The following DIS3L2 variants were observed in gnomAD, a reference collection of about 807,000 sequenced individuals.
The protein encoded by DIS3L2 is DIS3-like exonuclease 2.
In DIS3L2, 34 loss-of-function variants were observed where a neutral mutation model predicts 97.5. The observed-to-expected ratio is 0.35, with a 90% CI of 0.27 to 0.46. The LOEUF (loss-of-function observed/expected upper bound fraction) is 0.46. Among genes scored for constraint, DIS3L2 ranks in the 20% least tolerant of loss-of-function variants. The pLI is 1.00. For synonymous variants in DIS3L2, 435 were observed against 445.2 expected (o/e 0.98, Z 0.29); for missense variants, 1,038 against 1,146.0 (o/e 0.91, Z 1.36).
chr2:232,299,544 C>T (rs1051614085), intron 13 of DIS3L2, among the ~76,000 whole-genome samples: 18 of 152,246 alleles, frequency 1.2e-4, no homozygotes, highest in African/African-American at 4.3e-4. Flanking sequence ...CCCATCCCTC[C>T]TCCTCCTGAT....
intron 1 of DIS3L2, among the ~76,000 whole-genome samples, chr2:232,012,070 C>A (rs528129540): frequency 6.6e-6 from 1 of 152,328 alleles, no homozygotes; most frequent in South Asian, 2.1e-4. Flanking sequence ...TTATTCTTGC[C>A]AATTTTGTTT....
chr2:232,277,016 T>A (rs1199381532), intron 13 of DIS3L2, among the ~76,000 whole-genome samples: 3 of 152,200 alleles, frequency 2.0e-5, no homozygotes, highest in Non-Finnish European at 4.4e-5. Flanking sequence ...TCAGCAGCCA[T>A]GGCATGGAGA....
chr2:232,218,704 A>T (rs1687813015), intron 10 of DIS3L2, among the ~76,000 whole-genome samples: 1 of 152,166 alleles, frequency 6.6e-6, no homozygotes, highest in Non-Finnish European at 1.5e-5. Flanking sequence ...ATCACATTTG[A>T]TTCCTTTTCC....
rs528135515 is a variant in DIS3L2, at chr2:232,292,774, T to C, written c.1660-7266T>C. Among the ~76,000 whole-genome samples the C allele has an allele frequency of 2.4e-4, 36 of 152,328 alleles. No homozygotes were observed. Among genetic ancestry groups the C allele is most frequent in the African/African-American group, 8.7e-4 (36 of 41,588 alleles). On this transcript the variant is annotated intron_variant, in intron 13 of 20. Transcript: ENST00000325385. The surrounding 1 kb of genome is among the most constrained non-coding windows in gnomAD (Gnocchi z 4.4). ...CCTTTCCTTGTTGGGATGAAAGCCT[T>C]GCCTCTAACTGAACCCTTTTGAAGG...
At chr2:231,972,296 T>C (rs1692942725) in intron 1 of DIS3L2, among the ~76,000 whole-genome samples, 1 of 152,230 alleles carries the variant, frequency 6.6e-6, no homozygotes, top group African/African-American at 2.4e-5. Context: ...TATTATCAAG[T>C]ATTGCATACT....
Position 232,221,101 on chromosome 2 carries a change from C to CAAAA in DIS3L2, c.1204+10713_1204+10716dup, listed in dbSNP as rs373784144. ...TGGGTGACAGAACAAGACTTCATCT[C>CAAAA]AAAAAAAAAAAAAAAAAAAAGTTTG... On this transcript the variant is annotated intron_variant, in intron 10 of 20. Coordinates refer to ENST00000325385, the MANE Select transcript of DIS3L2 (RefSeq NM_152383.5). 4.8e-4 allele frequency among the ~76,000 whole-genome samples: 47 copies of CAAAA among 97,240 alleles called. 1 individual carries two copies. Among genetic ancestry groups the CAAAA allele is most frequent in the South Asian group, 8.2e-4 (2 of 2,440 alleles). The allele number at this position is 97,240 out of a possible 152,430, so 63.8% of individuals were successfully genotyped here.
intron 6 of DIS3L2, among the ~76,000 whole-genome samples, chr2:232,115,734 T>G (rs1697686967): frequency 6.6e-6 from 1 of 152,198 alleles, no homozygotes; most frequent in African/African-American, 2.4e-5. Flanking sequence ...TCCTGCTGCC[T>G]TGTGAAGAAG....
intron 9 of DIS3L2, among the ~76,000 whole-genome samples, chr2:232,176,228 A>C (rs947857454): frequency 6.6e-6 from 1 of 152,098 alleles, no homozygotes; most frequent in Admixed American, 6.5e-5. Context: ...TTGGTTATCT[A>C]ATTTCTTGGC....
chr2:232,088,629 T>C (rs1696740452), intron 6 of DIS3L2, among the ~76,000 whole-genome samples: 1 of 151,806 alleles, frequency 6.6e-6, no homozygotes, highest in Admixed American at 6.6e-5. Flanking sequence ...TATAAACAAA[T>C]AGCCTTAGAA....
chr2:232,077,594 G>A (rs1444772030), intron 5 of DIS3L2, among the ~76,000 whole-genome samples: 1 of 152,192 alleles, frequency 6.6e-6, no homozygotes, highest in Non-Finnish European at 1.5e-5. Flanking sequence ...AAAAGACTGA[G>A]AGTGAAAAAG....
At chr2:232,119,665 G>A (rs1180734554) in intron 6 of DIS3L2, among the ~76,000 whole-genome samples, 1 of 152,232 alleles carries the variant, frequency 6.6e-6, no homozygotes, top group African/African-American at 2.4e-5. Context: ...AAGCAGAAGA[G>A]TGTTGAAGAT....
intron 13 of DIS3L2, among the ~76,000 whole-genome samples, chr2:232,266,979 G>A (rs1332730809): frequency 6.6e-6 from 1 of 152,168 alleles, no homozygotes; most frequent in African/African-American, 2.4e-5. Context: ...AATGAATGGG[G>A]GCTGAGTGTG....
chr2:231,999,825 C>CA (rs1268628482), intron 1 of DIS3L2, among the ~76,000 whole-genome samples: 4 of 152,020 alleles, frequency 2.6e-5, no homozygotes, highest in African/African-American at 4.8e-5. Context: ...AATTGACAAG[C>CA]AAAAAATTAC....
intron 1 of DIS3L2, among the ~76,000 whole-genome samples, chr2:231,992,991 G>A (rs76103360): frequency 0.025 from 3,825 of 152,122 alleles, 155 homozygotes; most frequent in African/African-American, 0.086. Flanking sequence ...GATCGCATCT[G>A]TGTTCAATTT....
intron 10 of DIS3L2, among the ~76,000 whole-genome samples, chr2:232,229,185 C>CT (rs1014584644): frequency 1.4e-4 from 21 of 151,458 alleles, no homozygotes; most frequent in South Asian, 1.0e-3. Context: ...TGCCTCTTCT[C>CT]TTTTTTTTTG....
chr2:232,073,018 C>T (rs948566027), intron 5 of DIS3L2, among the ~76,000 whole-genome samples: 2 of 152,008 alleles, frequency 1.3e-5, no homozygotes, highest in African/African-American at 2.4e-5. Context: ...AACAAATACG[C>T]CCTTGAAAAT....
intron 6 of DIS3L2, among the ~76,000 whole-genome samples, chr2:232,107,491 G>A (rs947364274): frequency 6.6e-6 from 1 of 152,180 alleles, no homozygotes; most frequent in Non-Finnish European, 1.5e-5. Context: ...CTTGATGCAG[G>A]AGTTTGAGAC....
chr2:232,090,824 A>G (rs968178388), intron 6 of DIS3L2, among the ~76,000 whole-genome samples: 8 of 152,154 alleles, frequency 5.3e-5, no homozygotes, highest in Non-Finnish European at 1.0e-4. Flanking sequence ...TTGCATGTGT[A>G]TTTATAGCAT....
chr2:232,284,251 C>T (rs973828268), intron 13 of DIS3L2, among the ~76,000 whole-genome samples: 7 of 152,052 alleles, frequency 4.6e-5, no homozygotes, highest in East Asian at 1.9e-4. Context: ...TAGGCTCTCT[C>T]GACTTATGGG....
Sources: gnomAD v4.1 joint callset for allele counts (sites outside exome capture counted in the v4.1 genomes callset) on GRCh38, gnomAD v4.1.1 for gene constraint, Gnocchi (gnomAD v3.1) non-coding constraint, MANE v1.5 for transcripts, NCBI Gene and HGNC (gene_info 2026-07-23, HGNC 2026-07-21) for gene names.